MEIKIN: variants seen among roughly 807,000 people sequenced by gnomAD.
MEIKIN encodes meiosis-specific kinetochore protein.
rs1454131467 is a variant in MEIKIN, at chr5:131,861,721, G to A, written c.775-6887C>T. 7.2e-5 allele frequency among the ~76,000 whole-genome samples: 11 copies of A among 152,268 alleles called. 1 individual carries two copies. Among genetic ancestry groups the A allele is most frequent in the Non-Finnish European group, 1.6e-4 (11 of 68,006 alleles). On this transcript the variant is annotated intron_variant, in intron 9 of 12. Transcript: ENST00000442687. ...CTATAAAAATAATCATATAGTTTTTGTTCTTGGTTCTGTTAATGTGATGTA... is the reference window on the plus strand; with the variant it reads ...CTATAAAAATAATCATATAGTTTTTATTCTTGGTTCTGTTAATGTGATGTA...
chr5:131,886,987 C>G (rs1250223718), intron 8 of MEIKIN, among the ~76,000 whole-genome samples: 3 of 130,950 alleles, frequency 2.3e-5, no homozygotes, highest in Non-Finnish European at 3.2e-5. Flanking sequence ...CCCCCAGCTC[C>G]CCATCCCCTG....
chr5:131,913,113 G>C (rs1751356657), intron 7 of MEIKIN, among the ~76,000 whole-genome samples: 1 of 152,114 alleles, frequency 6.6e-6, no homozygotes. Flanking sequence ...GTTCGTTGGA[G>C]GTTTACCTAT....
intron 12 of MEIKIN, among the ~76,000 whole-genome samples, chr5:131,814,424 T>C (rs1773064640): frequency 6.6e-6 from 1 of 151,314 alleles, no homozygotes; most frequent in Non-Finnish European, 1.5e-5. Context: ...ACTACAGGAG[T>C]GCACCACCAC....
At chr5:131,896,437 C>A (rs920985953) in intron 8 of MEIKIN, among the ~76,000 whole-genome samples, 1 of 152,118 alleles carries the variant, frequency 6.6e-6, no homozygotes, top group Non-Finnish European at 1.5e-5. Context: ...TCCTGGATAT[C>A]CTTGTTAACC....
intron 8 of MEIKIN, among the ~76,000 whole-genome samples, chr5:131,897,936 G>C (rs1561748969): frequency 6.6e-6 from 1 of 152,150 alleles, no homozygotes; most frequent in Non-Finnish European, 1.5e-5. Context: ...ATCCAGCCTT[G>C]CTCTGTTGCT....
At chr5:131,831,326 G>A (rs1749712043) in intron 11 of MEIKIN, among the ~76,000 whole-genome samples, 1 of 152,188 alleles carries the variant, frequency 6.6e-6, no homozygotes, top group South Asian at 2.1e-4. Context: ...AAGGCAGTAA[G>A]ACTGCTTGAG....
intron 9 of MEIKIN, among the ~76,000 whole-genome samples, chr5:131,872,722 G>A (rs996135338): frequency 2.6e-5 from 4 of 152,142 alleles, no homozygotes; most frequent in African/African-American, 7.2e-5. Context: ...TGAAATGAAG[G>A]AAAAAATGTT....
At chr5:131,926,519 G>A (rs945718577) in intron 5 of MEIKIN, among the ~76,000 whole-genome samples, 5 of 152,048 alleles carry the variant, frequency 3.3e-5, no homozygotes, top group East Asian at 3.9e-4. Flanking sequence ...TATTTACCTC[G>A]CTTTAGTATG....
rs183196028 is a variant in MEIKIN, at chr5:131,842,496, T to A, written c.975+8768A>T. 1.0e-3 allele frequency among the ~76,000 whole-genome samples: 158 copies of A among 152,290 alleles called. 1 individual carries two copies. Among genetic ancestry groups the A allele is most frequent in the African/African-American group, 3.6e-3 (151 of 41,550 alleles). ...CCATCTATACCTAATTTGTTGAGAG[T>A]TTTTATCATTAAAAATTTTGGATTT... On this transcript the variant is annotated intron_variant, in intron 11 of 12. Transcript: ENST00000442687.
At chr5:131,815,012 G>A (rs1050664532) in intron 12 of MEIKIN, among the ~76,000 whole-genome samples, 4 of 152,098 alleles carry the variant, frequency 2.6e-5, no homozygotes, top group Non-Finnish European at 5.9e-5. Flanking sequence ...ATCATGGAAG[G>A]GGTAGCATTT....
chr5:131,924,860 T>C (rs533645425), intron 5 of MEIKIN, among the ~76,000 whole-genome samples: 1 of 152,222 alleles, frequency 6.6e-6, no homozygotes, highest in Non-Finnish European at 1.5e-5. Flanking sequence ...TCTTGTTGCC[T>C]ATACTTTTGG....
intron 1 of MEIKIN, 42 bp from the exon 2 acceptor site, chr5:131,945,291 C>T (rs955963155): frequency 2.0e-5 from 8 of 399,024 alleles, no homozygotes; most frequent in East Asian, 1.4e-4. Flanking sequence ...AACCTACCCA[C>T]CGGCTTCGGG....
chr5:131,872,419 G>A (rs921692387), intron 9 of MEIKIN, among the ~76,000 whole-genome samples: 2 of 152,164 alleles, frequency 1.3e-5, no homozygotes, highest in Non-Finnish European at 2.9e-5. Flanking sequence ...CGAAATGAAT[G>A]AAATGAAGTG....
chr5:131,875,272 A>G (rs1394927456), intron 9 of MEIKIN, among the ~76,000 whole-genome samples: 1 of 152,234 alleles, frequency 6.6e-6, no homozygotes, highest in African/African-American at 2.4e-5. Context: ...AATCTCCTTA[A>G]GCTGATAGGC....
intron 11 of MEIKIN, among the ~76,000 whole-genome samples, chr5:131,839,801 C>T (rs1318890652): frequency 6.6e-6 from 1 of 152,128 alleles, no homozygotes; most frequent in African/African-American, 2.4e-5. Context: ...CTTCTCTATC[C>T]AGCTTGCCAT....
chr5:131,906,268 G>A (rs1751240873), intron 8 of MEIKIN, among the ~76,000 whole-genome samples: 2 of 152,142 alleles, frequency 1.3e-5, no homozygotes, highest in Non-Finnish European at 2.9e-5. Context: ...ATGCAAAAAT[G>A]CTCAACATCA....
intron 8 of MEIKIN, among the ~76,000 whole-genome samples, chr5:131,885,655 A>G (rs550119839): frequency 7.4e-4 from 113 of 152,202 alleles, no homozygotes; most frequent in Non-Finnish European, 1.4e-3. Flanking sequence ...TAAGAAGGAC[A>G]GGTACAAACA....
intron 11 of MEIKIN, among the ~76,000 whole-genome samples, chr5:131,844,308 G>GA (rs1324996492): frequency 2.0e-5 from 3 of 151,876 alleles, no homozygotes; most frequent in African/African-American, 7.3e-5. Flanking sequence ...AAATAAATCA[G>GA]AAAAAAATAT....
intron 5 of MEIKIN, among the ~76,000 whole-genome samples, chr5:131,929,974 A>C (rs1225408266): frequency 6.6e-6 from 1 of 152,184 alleles, no homozygotes; most frequent in Non-Finnish European, 1.5e-5. Flanking sequence ...GCTATTGTGA[A>C]AATAGCTGCA....
Sources: gnomAD v4.1 joint callset for allele counts (sites outside exome capture counted in the v4.1 genomes callset) on GRCh38, gnomAD v4.1.1 for gene constraint, MANE v1.5 for transcripts, NCBI Gene and HGNC (gene_info 2026-07-23, HGNC 2026-07-21) for gene names.